The following FGF14 variants were observed in gnomAD, a reference collection of about 807,000 sequenced individuals.
FGF14 encodes the protein fibroblast growth factor 14, also known as fibroblast growth factor homologous factor 4.
Under a neutral mutation model 25.5 loss-of-function variants are expected in FGF14, and 5 were observed. The observed-to-expected ratio is 0.20, with a 90% CI of 0.10 to 0.41. The LOEUF is 0.41. FGF14 is among the 10% of genes least tolerant of loss of function. The probability of loss-of-function intolerance (pLI) is 1.00; values close to 1 mark genes in which losing one functional copy is unlikely to be tolerated. For missense variants in FGF14, 222 were observed against 320.1 expected (o/e 0.69, Z 2.34); for synonymous variants, 138 against 118.3 (o/e 1.17, Z -1.08).
At chr13:101,909,728 C>A (rs1465770172) in intron 1 of FGF14, among the ~76,000 whole-genome samples, 3 of 152,128 alleles carry the variant, frequency 2.0e-5, no homozygotes, top group South Asian at 4.1e-4. Context: ...TTGACCCAGC[C>A]ATCCCATTAC....
intron 3 of FGF14, among the ~76,000 whole-genome samples, chr13:101,732,887 T>C (rs1220980179): frequency 6.6e-6 from 1 of 152,208 alleles, no homozygotes; most frequent in African/African-American, 2.4e-5. Context: ...TTTTTTTTCT[T>C]CCCTTTTCTA....
chr13:101,853,344 C>T (rs910267063), intron 3 of FGF14, among the ~76,000 whole-genome samples: 1 of 152,108 alleles, frequency 6.6e-6, no homozygotes, highest in Non-Finnish European at 1.5e-5. Context: ...GCAACTTTGA[C>T]ACTAACCTAT....
intron 1 of FGF14, among the ~76,000 whole-genome samples, chr13:102,135,954 C>G (rs2046392778): frequency 6.6e-6 from 1 of 152,114 alleles, no homozygotes; most frequent in Admixed American, 6.6e-5. Context: ...CCACGCCCGG[C>G]CCCCGTTAAA....
chr13:101,977,419 A>G (rs2037995826), intron 1 of FGF14, among the ~76,000 whole-genome samples: 1 of 152,164 alleles, frequency 6.6e-6, no homozygotes, highest in South Asian at 2.1e-4. Context: ...TTGATCCCAA[A>G]TTGGTTTAAA....
At chr13:101,837,645 A>G (rs1015706441) in intron 3 of FGF14, among the ~76,000 whole-genome samples, 1 of 152,088 alleles carries the variant, frequency 6.6e-6, no homozygotes, top group African/African-American at 2.4e-5. Flanking sequence ...CCCTCAACCT[A>G]TATACCTGGG....
chr13:101,809,851 G>GT (rs561817738), intron 3 of FGF14, among the ~76,000 whole-genome samples: 40 of 151,782 alleles, frequency 2.6e-4, no homozygotes, highest in East Asian at 3.9e-4. Context: ...ACCCTATAAG[G>GT]TTTTTTTTCC....
At chr13:102,379,242 C>T (rs916713047) in intron 1 of FGF14, among the ~76,000 whole-genome samples, 1 of 151,996 alleles carries the variant, frequency 6.6e-6, no homozygotes, top group South Asian at 2.1e-4. Flanking sequence ...TAGAAACATA[C>T]CACTATTATT....
In FGF14 at chr13:102,111,191, C is replaced by T. The variant is rs185311804; in HGVS notation, c.209-235895G>A. ...CCCCTCAGCCATCACCACCTCTCAT[C>T]TATACATGAAACGGAATATCCCCTT... On this transcript the variant is annotated intron_variant, in intron 1 of 4. Transcript: ENST00000376131. Among the ~76,000 whole-genome samples, 40 of 152,306 alleles carry T rather than the reference C, an allele frequency of 2.6e-4. 1 individual carries two copies. Among genetic ancestry groups the T allele is most frequent in the Admixed American group, 2.4e-3 (36 of 15,302 alleles).
chr13:102,160,646 A>T (rs2047581365), intron 1 of FGF14, among the ~76,000 whole-genome samples: 1 of 152,198 alleles, frequency 6.6e-6, no homozygotes, highest in South Asian at 2.1e-4. Flanking sequence ...AGATAAAAAC[A>T]TGTTCCACAG....
chr13:102,251,287 T>C (rs1336719), intron 1 of FGF14, among the ~76,000 whole-genome samples: 99,323 of 151,982 alleles, frequency 0.65, 33,573 homozygotes, highest in African/African-American at 0.83. Context: ...TGAAAATTCC[T>C]TTTATTTCCT....
rs2058669999 is a variant in FGF14, at chr13:102,400,139, T to G, written c.208+1332A>C. Among the ~76,000 whole-genome samples the G allele has an allele frequency of 6.7e-6, 1 of 149,286 alleles. No homozygotes were observed. Among genetic ancestry groups the G allele is most frequent in the Admixed American group, 6.7e-5 (1 of 15,036 alleles). ...AGCGCGCCACCCCAGCTACGTTGCA[T>G]TGGCAAGGTTCGGAGGCTGGAGGGC... On this transcript the variant is annotated intron_variant, in intron 1 of 4. Coordinates refer to the FGF14 transcript ENST00000376131. This position sits in a 1 kb window ranked among gnomAD's most constrained non-coding sequence, Gnocchi z 4.3.
chr13:101,765,340 C>T lies in FGF14; in HGVS notation c.409-38530G>A, dbSNP rs181530903. On this transcript the variant is annotated intron_variant, in intron 3 of 4. Transcript: ENST00000376143. The stretch of plus-strand genomic sequence containing the variant: ...CCTGTTTGGGTCAATTCAATGCAGA[C>T]CCTTGCTTGGCTGCAACTGTAAACC... Among the ~76,000 whole-genome samples, 155 of 152,272 alleles carry T rather than the reference C, an allele frequency of 1.0e-3. 1 individual carries two copies. Among genetic ancestry groups the T allele is most frequent in the African/African-American group, 3.7e-3 (152 of 41,554 alleles).
At chr13:102,352,077 G>A (rs2057295104) in intron 1 of FGF14, among the ~76,000 whole-genome samples, 1 of 152,202 alleles carries the variant, frequency 6.6e-6, no homozygotes, top group East Asian at 1.9e-4. Flanking sequence ...TGTTTAAAAC[G>A]CAGCTTTTTT....
At chr13:101,812,335 A>T (rs1177906971) in intron 3 of FGF14, among the ~76,000 whole-genome samples, 1 of 152,074 alleles carries the variant, frequency 6.6e-6, no homozygotes, top group East Asian at 1.9e-4. Flanking sequence ...TACAGAGGAA[A>T]TGCAAACTAA....
At chr13:102,241,834 G>A (rs1465650554) in intron 1 of FGF14, among the ~76,000 whole-genome samples, 3 of 152,054 alleles carry the variant, frequency 2.0e-5, no homozygotes. Context: ...AATAGCTCCT[G>A]CCAGGAAGTC....
intron 3 of FGF14, among the ~76,000 whole-genome samples, chr13:101,842,850 A>T (rs937766611): frequency 6.6e-6 from 1 of 152,058 alleles, no homozygotes; most frequent in Non-Finnish European, 1.5e-5. Flanking sequence ...CACTATAACT[A>T]GGGTGACTAT....
At chr13:101,758,444 A>G (rs937231478) in intron 3 of FGF14, among the ~76,000 whole-genome samples, 3 of 152,208 alleles carry the variant, frequency 2.0e-5, no homozygotes, top group Non-Finnish European at 4.4e-5. Flanking sequence ...TAGAATGCAA[A>G]TATGGCTTTT....
At chr13:102,032,097 A>G (rs74514274) in intron 1 of FGF14, among the ~76,000 whole-genome samples, 1 of 152,154 alleles carries the variant, frequency 6.6e-6, no homozygotes, top group South Asian at 2.1e-4. Context: ...GACTGACTCC[A>G]AAACTCCTGC....
At chr13:102,057,955 C>T (rs1457311) in intron 1 of FGF14, among the ~76,000 whole-genome samples, 54,260 of 151,996 alleles carry the variant, frequency 0.36, 10,261 homozygotes, top group East Asian at 0.69. Context: ...TGTGAAATTC[C>T]TCCACTGATA....
Sources: allele counts gnomAD v4.1 joint callset (sites outside exome capture counted in the v4.1 genomes callset), GRCh38; gene constraint gnomAD v4.1.1; non-coding constraint Gnocchi (gnomAD v3.1); transcripts MANE v1.5; gene names NCBI Gene and HGNC (gene_info 2026-07-23, HGNC 2026-07-21).